The following METTL16 variants were observed in gnomAD, a reference collection of about 807,000 sequenced individuals.
METTL16 encodes the protein RNA N(6)-adenosine-methyltransferase METTL16.
METTL16 carries 19 observed loss-of-function variants against 57.9 expected under a neutral mutation model. That is an observed-to-expected ratio of 0.33 (90% CI 0.23 to 0.48). The LOEUF (loss-of-function observed/expected upper bound fraction) is 0.48, where lower values mean the gene tolerates loss of function less well. METTL16 is among the 20% of genes least tolerant of loss of function. The pLI is 0.99. For synonymous variants in METTL16, 246 were observed against 255.6 expected, an observed-to-expected ratio of 0.96 and a Z score of 0.36; for missense variants, 434 against 691.5, an observed-to-expected ratio of 0.63 and a Z score of 4.18.
At chr17:2,434,123 C>T (rs1349018647) in intron 8 of METTL16, among the ~76,000 whole-genome samples, 8 of 152,218 alleles carry the variant, frequency 5.3e-5, no homozygotes, top group Non-Finnish European at 1.2e-4. Flanking sequence ...TGGTTTTGCT[C>T]AAGAGCTCAG....
At chr17:2,449,635 A>G (rs1208820457) in intron 6 of METTL16, among the ~76,000 whole-genome samples, 1 of 152,276 alleles carries the variant, frequency 6.6e-6, no homozygotes, top group Non-Finnish European at 1.5e-5. Flanking sequence ...AGATAGACAC[A>G]GATTAACAGA....
intron 8 of METTL16, among the ~76,000 whole-genome samples, chr17:2,430,653 C>T (rs903825737): frequency 2.0e-5 from 3 of 151,904 alleles, no homozygotes; most frequent in Non-Finnish European, 4.4e-5. Context: ...CTCCTGACCT[C>T]GCGATCCGCC....
Position 2,496,059 on chromosome 17 carries a change from G to A in METTL16, c.128+6145C>T, listed in dbSNP as rs112830620. 2.1e-4 allele frequency among the ~76,000 whole-genome samples: 32 copies of A among 151,546 alleles called. 3 individuals carry two copies. Among genetic ancestry groups the A allele is most frequent in the African/African-American group, 6.8e-4 (28 of 40,956 alleles). ...TGGGAGCTGGAGGTTGCAGTGACCT[G>A]AGACCACACCACTGCACTCCAGCAG... On this transcript the variant is annotated intron_variant, in intron 2 of 9. Coordinates refer to ENST00000263092, the MANE Select transcript of METTL16 (RefSeq NM_024086.4).
intron 1 of METTL16, among the ~76,000 whole-genome samples, chr17:2,502,593 C>G (rs1330168692): frequency 2.0e-5 from 3 of 151,740 alleles, no homozygotes; most frequent in Non-Finnish European, 4.4e-5. Context: ...GAGGCTGAGG[C>G]AGGAGAATTG....
At chr17:2,488,027 T>C (rs1487850957) in intron 2 of METTL16, among the ~76,000 whole-genome samples, 3 of 150,016 alleles carry the variant, frequency 2.0e-5, no homozygotes, top group Admixed American at 6.7e-5. Context: ...ATAAATAAAA[T>C]AAAATAAAAA....
At position 2,452,123 on chromosome 17, in the gene METTL16, CAAGCCCT is replaced by C. The variant is rs1192001170; in HGVS notation, c.729-10571_729-10565del. 4.1e-5 allele frequency among the ~76,000 whole-genome samples: 5 copies of C among 121,770 alleles called. No individual in the cohort carries two copies. In the East Asian group the frequency reaches 9.4e-4, roughly 23 times the overall value. 79.9% of individuals were successfully genotyped at this position (121,770 alleles called of 152,430 possible). On this transcript the variant is annotated intron_variant, in intron 6 of 9. Transcript: ENST00000263092. ...CTGCACCCCAGCCTGGATGACAGAGCAAGCCCTTGTCTCAAAAAAAAAAAAAAAAAAA... is the reference window on the plus strand; with the variant it reads ...CTGCACCCCAGCCTGGATGACAGAGCTGTCTCAAAAAAAAAAAAAAAAAAA...
intron 6 of METTL16, among the ~76,000 whole-genome samples, chr17:2,441,850 T>C (rs777743357): frequency 1.3e-5 from 2 of 152,210 alleles, no homozygotes; most frequent in Non-Finnish European, 2.9e-5. Context: ...AAGTCTCATC[T>C]GTCATGCTTA....
At chr17:2,448,194 T>A (rs1476345680) in intron 6 of METTL16, among the ~76,000 whole-genome samples, 2 of 148,544 alleles carry the variant, frequency 1.3e-5, no homozygotes, top group African/African-American at 2.4e-5. Context: ...CCGCCCCTAC[T>A]GGGAAGTGAG....
intron 2 of METTL16, among the ~76,000 whole-genome samples, chr17:2,498,089 G>C (rs2067459498): frequency 6.6e-6 from 1 of 151,328 alleles, no homozygotes; most frequent in African/African-American, 2.5e-5. Context: ...AGCTACTCAG[G>C]AGGCTGAGGC....
At chr17:2,454,560 A>T (rs867900286) in intron 6 of METTL16, among the ~76,000 whole-genome samples, 95 of 139,062 alleles carry the variant, frequency 6.8e-4, no homozygotes, top group African/African-American at 2.3e-3. Context: ...TATTATTATT[A>T]TTATTTTTTT....
chr17:2,451,709 G>C (rs924057343), intron 6 of METTL16, among the ~76,000 whole-genome samples: 4 of 151,992 alleles, frequency 2.6e-5, no homozygotes, highest in African/African-American at 9.7e-5. Flanking sequence ...TTATGAACAA[G>C]AGGAAGGAAG....
chr17:2,424,122 T>TTTTA lies in METTL16; in HGVS notation c.889-3219_889-3218insTAAA, dbSNP rs1555614681. ...ATTTTATTTTATTTTATTATTTTAT[T>TTTTA]TTTTTTTTTGAGACGGAGTCTCGCT... On this transcript the variant is annotated intron_variant, in intron 8 of 9. Transcript: ENST00000263092. The TTTTA allele has an allele frequency of 2.5e-3, 377 of 148,642 alleles. 1 individual carries two copies. Among genetic ancestry groups the TTTTA allele is most frequent in the African/African-American group, 8.5e-3 (343 of 40,532 alleles). The allele number at this position is 148,642 out of a possible 1,614,324, so 9.2% of individuals were successfully genotyped here. A position where few individuals can be genotyped will look rare whatever the true frequency, so the allele number is the denominator to read the frequency against.
At chr17:2,507,064 G>C (rs1261126169) in intron 1 of METTL16, among the ~76,000 whole-genome samples, 1 of 150,396 alleles carries the variant, frequency 6.6e-6, no homozygotes, top group Non-Finnish European at 1.5e-5. Flanking sequence ...CACCCCGTCC[G>C]GGAGGGAGGT....
chr17:2,455,493 C>T (rs897808301), intron 6 of METTL16, among the ~76,000 whole-genome samples: 2 of 152,116 alleles, frequency 1.3e-5, no homozygotes, highest in African/African-American at 4.8e-5. Context: ...GACTATGTCA[C>T]GTAGTCGGAA....
chr17:2,485,548 G>A (rs1232851257), intron 2 of METTL16, among the ~76,000 whole-genome samples: 1 of 152,084 alleles, frequency 6.6e-6, no homozygotes, highest in African/African-American at 2.4e-5. Context: ...TGGGGTACTT[G>A]GCTACTCTAC....
rs2151584233 is a variant in METTL16, at chr17:2,511,743, G to T, written c.-1+16C>A. 3 of 398,302 alleles carry T rather than the reference G, an allele frequency of 7.5e-6. 1 individual carries two copies. In the East Asian group the frequency reaches 1.1e-4, roughly 14 times the overall value. The allele number at this position is 398,302 out of a possible 1,614,324, so 24.7% of individuals were successfully genotyped here. On this transcript the variant is annotated intron_variant, in intron 1 of 9. Coordinates refer to ENST00000263092, the MANE Select transcript of METTL16 (RefSeq NM_024086.4). The stretch of plus-strand genomic sequence containing the variant: ...CCCATGATAGTAAATCTGCGTGAGA[G>T]ATATAAGTGACCCACCTCTGAGGCC...
rs764583285 is a variant in METTL16 at position 2,477,703 on chromosome 17, C to T, written c.311G>A (p.Arg104Gln). The change falls in exon 3 of 10, where the codon CGA becomes CAA. Residue 104 changes from arginine to glutamine, a missense_variant. By Grantham distance (43) the Arg-to-Gln change is conservative. This residue lies in a region of METTL16 where 118 missense variants were observed against 280.0 expected (regional missense o/e 0.42). Coordinates refer to ENST00000263092, the MANE Select transcript of METTL16 (RefSeq NM_024086.4). ...GHQDSDKSTL[R>Q]RGIDIGTGAS... ...TGATATACCTATGTCAATTCCTCTT[C>T]GGAGAGTACTTTTGTCAGAATCCTG... 3.7e-6 allele frequency: 6 copies of T among 1,612,936 alleles called. No homozygotes were observed. In the African/African-American group the frequency reaches 5.3e-5, roughly 14 times the overall value.
chr17:2,479,554 C>T (rs78917601), intron 2 of METTL16, among the ~76,000 whole-genome samples: 4,133 of 152,164 alleles, frequency 0.027, 199 homozygotes, highest in African/African-American at 0.094. Flanking sequence ...ATTCTGGCCT[C>T]AAGGTGTCTG....
chr17:2,462,405 G>C (rs1004452510), intron 6 of METTL16, among the ~76,000 whole-genome samples: 2 of 152,174 alleles, frequency 1.3e-5, no homozygotes, highest in Non-Finnish European at 2.9e-5. Flanking sequence ...TTGTGCAACA[G>C]TGAGAATGTA....
Sources: gnomAD v4.1 joint callset for allele counts (sites outside exome capture counted in the v4.1 genomes callset) on GRCh38, gnomAD v4.1.1 for gene constraint, gnomAD v4.1.1 regional missense constraint, MANE v1.5 for transcripts, NCBI Gene and HGNC (gene_info 2026-07-23, HGNC 2026-07-21) for gene names.